Variants in MAGI2 observed in about 807,000 individuals in gnomAD.
The protein encoded by MAGI2 is membrane-associated guanylate kinase, WW and PDZ domain-containing protein 2.
MAGI2 carries 35 observed loss-of-function variants against 133.3 expected under a neutral mutation model. The ratio of observed to expected loss-of-function variants is 0.26; its 90% CI spans 0.20 to 0.35. The LOEUF is 0.35. MAGI2 is among the 10% of genes least tolerant of loss of function. The pLI is 1.00. For missense variants in MAGI2, 1,636 were observed against 1,863.4 expected (o/e 0.88, Z 2.25); for synonymous variants, 729 against 710.6 (o/e 1.03, Z -0.41).
At chr7:78,271,068 G>GT (rs781452739) in intron 9 of MAGI2, among the ~76,000 whole-genome samples, 2 of 151,990 alleles carry the variant, frequency 1.3e-5, no homozygotes, top group Non-Finnish European at 2.9e-5. Context: ...AATGCTTACA[G>GT]TTTTTTCCTA....
chr7:78,394,035 A>G (rs1796125301), intron 6 of MAGI2, among the ~76,000 whole-genome samples: 1 of 152,194 alleles, frequency 6.6e-6, no homozygotes. Context: ...CAAAGGCCCA[A>G]GAACCAGGTG....
rs2151173451 is a variant in MAGI2, at chr7:78,339,341, C to T, written c.1408+4437G>A. Among the ~76,000 whole-genome samples the T allele has an allele frequency of 1.3e-5, 2 of 152,168 alleles. 1 individual carries two copies. The highest frequency in any genetic ancestry group is 4.2e-4 in the South Asian group (2 of 4,782). On this transcript the variant is annotated intron_variant, in intron 9 of 21. Transcript: ENST00000354212. Reference sequence around the variant, plus strand: ...GATTATCTTAAATGAAGACAATCTGCTAAATTCTAAATAAAGCTTTGACTT... The same window carrying T: ...GATTATCTTAAATGAAGACAATCTGTTAAATTCTAAATAAAGCTTTGACTT...
chr7:78,903,972 T>C (rs1797815978), intron 2 of MAGI2: 1 of 152,204 alleles, frequency 6.6e-6, no homozygotes, highest in African/African-American at 2.4e-5. Context: ...CCTCTGTCAT[T>C]TACAAATGCC....
chr7:78,466,359 G>A (rs745439097), intron 6 of MAGI2, among the ~76,000 whole-genome samples: 1 of 152,138 alleles, frequency 6.6e-6, no homozygotes, highest in Non-Finnish European at 1.5e-5. Flanking sequence ...TGCCTCACTT[G>A]GGCACAGGTG....
intron 9 of MAGI2, among the ~76,000 whole-genome samples, chr7:78,262,352 C>T (rs1204280727): frequency 2.0e-5 from 3 of 152,108 alleles, no homozygotes; most frequent in Admixed American, 6.6e-5. Flanking sequence ...GTTCAGACAA[C>T]GTCTTTCTCA....
At chr7:78,859,176 G>A (rs1261285898) in intron 2 of MAGI2, among the ~76,000 whole-genome samples, 1 of 151,988 alleles carries the variant, frequency 6.6e-6, no homozygotes, top group African/African-American at 2.4e-5. Context: ...ACACTGATGG[G>A]TATTCACTCT....
At chr7:79,207,281 TC>T (rs1475582181) in intron 1 of MAGI2, among the ~76,000 whole-genome samples, 1 of 151,832 alleles carries the variant, frequency 6.6e-6, no homozygotes, top group African/African-American at 2.4e-5. Context: ...AGTTAAGTTG[TC>T]CCTGTTTGCA....
chr7:78,904,381 C>A (rs748536626), intron 2 of MAGI2, among the ~76,000 whole-genome samples: 4 of 152,136 alleles, frequency 2.6e-5, no homozygotes, highest in Non-Finnish European at 5.9e-5. Flanking sequence ...AAACATTTTC[C>A]TTTTTACCTT....
rs181677128 is a variant in MAGI2 at position 79,427,832 on chromosome 7, G to A, written c.301+25188C>T. ...GGTAGTCACTTGCTGGATGGATTGG[G>A]CAAGGGAAAGACTGTCAGCAGGAAA... On this transcript the variant is annotated intron_variant, in intron 1 of 21. Coordinates refer to ENST00000354212, the MANE Select transcript of MAGI2 (RefSeq NM_012301.4). Among the ~76,000 whole-genome samples, 4 of 152,108 alleles carry A rather than the reference G, an allele frequency of 2.6e-5. No individual in the cohort carries two copies. In the East Asian group the frequency reaches 7.7e-4, roughly 29 times the overall value.
At chr7:79,364,756 C>G (rs989619885) in intron 1 of MAGI2, among the ~76,000 whole-genome samples, 1 of 151,930 alleles carries the variant, frequency 6.6e-6, no homozygotes, top group South Asian at 2.1e-4. Flanking sequence ...GAACTTTATA[C>G]TTTTTATAAA....
chr7:79,104,880 C>T (rs1045176154), intron 1 of MAGI2, among the ~76,000 whole-genome samples: 4 of 152,254 alleles, frequency 2.6e-5, no homozygotes, highest in South Asian at 4.2e-4. Context: ...GAAGCTCTCA[C>T]GCCTGTTTGG....
At chr7:78,680,289 T>C (rs1815503905) in intron 2 of MAGI2, among the ~76,000 whole-genome samples, 1 of 152,100 alleles carries the variant, frequency 6.6e-6, no homozygotes, top group Admixed American at 6.6e-5. Flanking sequence ...GTGATATTAT[T>C]TGGGTATATA....
intron 1 of MAGI2, among the ~76,000 whole-genome samples, chr7:79,357,723 T>C (rs554387492): frequency 1.3e-5 from 2 of 152,218 alleles, no homozygotes; most frequent in East Asian, 3.9e-4. Context: ...CCCCATCACT[T>C]CCCACAAGCC....
intron 18 of MAGI2, among the ~76,000 whole-genome samples, chr7:78,129,880 A>C (rs1288845823): frequency 7.1e-6 from 1 of 141,120 alleles, no homozygotes; most frequent in Non-Finnish European, 1.5e-5. Context: ...GGTTGCGGTG[A>C]GCCGAGATTG....
chr7:79,292,260 CATTT>C, intron 1 of MAGI2, among the ~76,000 whole-genome samples: 1 of 152,176 alleles, frequency 6.6e-6, no homozygotes, highest in East Asian at 1.9e-4. Context: ...TATACAATTT[CATTT>C]ATTTACTTAT....
chr7:78,607,055 G>A (rs12669908), intron 3 of MAGI2, among the ~76,000 whole-genome samples: 6,753 of 152,138 alleles, frequency 0.044, 325 homozygotes, highest in African/African-American at 0.11. Context: ...CTTTTTAAAC[G>A]TAACTGTTAC....
chr7:78,309,494 A>G (rs1347833744), intron 9 of MAGI2, among the ~76,000 whole-genome samples: 1 of 152,154 alleles, frequency 6.6e-6, no homozygotes, highest in Non-Finnish European at 1.5e-5. Flanking sequence ...CATTGGGTAT[A>G]CATGGACGCA....
chr7:78,541,802 C>T lies in MAGI2; in HGVS notation c.539-20157G>A, dbSNP rs559717501. ...TTAAATGAGGTTTATTTTAAAAGGCCGGTAAAAGAAGGATTCAAGTATTTT... is the reference window on the plus strand; with the variant it reads ...TTAAATGAGGTTTATTTTAAAAGGCTGGTAAAAGAAGGATTCAAGTATTTT... On this transcript the variant is annotated intron_variant, in intron 3 of 21. Transcript: ENST00000354212. Among the ~76,000 whole-genome samples the T allele has an allele frequency of 7.9e-5, 12 of 152,238 alleles. 1 individual carries two copies. In the South Asian group the frequency reaches 1.0e-3, roughly 13 times the overall value.
chr7:79,079,298 T>C (rs1310142607), intron 1 of MAGI2, among the ~76,000 whole-genome samples: 1 of 152,206 alleles, frequency 6.6e-6, no homozygotes, highest in Non-Finnish European at 1.5e-5. Flanking sequence ...ATTGTAACAA[T>C]TCAAATATTC....
Sources: gnomAD v4.1 joint callset for allele counts (sites outside exome capture counted in the v4.1 genomes callset) on GRCh38, gnomAD v4.1.1 for gene constraint, MANE v1.5 for transcripts, NCBI Gene and HGNC (gene_info 2026-07-23, HGNC 2026-07-21) for gene names.